The following CCL28 variants were observed in gnomAD, a reference collection of about 807,000 sequenced individuals.
The protein encoded by CCL28 is C-C motif chemokine ligand 28, also known as C-C motif chemokine 28.
In CCL28, 4 loss-of-function variants were observed where a neutral mutation model predicts 7.1. That is an observed-to-expected ratio of 0.56 (90% CI 0.28 to 1.29). The LOEUF (loss-of-function observed/expected upper bound fraction) is 1.29. CCL28 is among the 50% of genes most tolerant of loss of function. The pLI, the probability that CCL28 is intolerant of heterozygous loss-of-function variation, is 0.11. For synonymous variants in CCL28, 55 were observed against 57.8 expected, an observed-to-expected ratio of 0.95 and a Z score of 0.22; for missense variants, 151 against 163.4, an observed-to-expected ratio of 0.92 and a Z score of 0.41.
chr5:43,389,174 C>G (rs763843207), intron 1 of CCL28, among the ~76,000 whole-genome samples: 1 of 152,042 alleles, frequency 6.6e-6, no homozygotes, highest in African/African-American at 2.4e-5. Flanking sequence ...TGAACAGGTA[C>G]AAGATCTCTT....
chr5:43,372,989 T>TG (rs1739815684), downstream of CCL28, among the ~76,000 whole-genome samples: 1 of 151,122 alleles, frequency 6.6e-6, no homozygotes, highest in African/African-American at 2.4e-5. Context: ...TTAGCAAAGA[T>TG]GGGGTTTCGC....
downstream of CCL28, among the ~76,000 whole-genome samples, chr5:43,378,961 A>AAAAAAT (rs748612201): frequency 2.6e-4 from 39 of 152,278 alleles, no homozygotes; most frequent in African/African-American, 7.5e-4. Flanking sequence ...CTCCATCTCA[A>AAAAAAT]AAAAATAAAA....
At chr5:43,363,873 A>T in the CCL28 span, among the ~76,000 whole-genome samples, 63 of 152,268 alleles carry the variant, frequency 4.1e-4, no homozygotes, top group African/African-American at 1.4e-3. Flanking sequence ...TCTTATGGCA[A>T]CCTTTGGGTT....
At chr5:43,359,348 G>A in the CCL28 span, among the ~76,000 whole-genome samples, 1 of 152,182 alleles carries the variant, frequency 6.6e-6, no homozygotes, top group Non-Finnish European at 1.5e-5. Flanking sequence ...TACTCTTTAT[G>A]GGAAACAAAG....
intron 1 of CCL28, among the ~76,000 whole-genome samples, chr5:43,390,947 T>C (rs2111776323): frequency 6.6e-6 from 1 of 152,320 alleles, no homozygotes; most frequent in Non-Finnish European, 1.5e-5. Flanking sequence ...TGCAGTGAAT[T>C]GAAATCAGTA....
At chr5:43,405,354 G>A (rs1741230475) in intron 1 of CCL28, among the ~76,000 whole-genome samples, 2 of 152,160 alleles carry the variant, frequency 1.3e-5, no homozygotes, top group Non-Finnish European at 2.9e-5. Flanking sequence ...ACTCAAAACT[G>A]CTTAACTACA....
chr5:43,360,328 T>C, the CCL28 span, among the ~76,000 whole-genome samples: 1 of 152,164 alleles, frequency 6.6e-6, no homozygotes, highest in Non-Finnish European at 1.5e-5. Context: ...AGGTTTGTTA[T>C]ATAAGTAAAC....
the CCL28 span, among the ~76,000 whole-genome samples, chr5:43,359,661 A>G: frequency 4.5e-4 from 69 of 152,278 alleles, 1 homozygote; most frequent in African/African-American, 1.6e-3. Flanking sequence ...TTGTTCCCCT[A>G]GATTGTTTTT....
chr5:43,366,307 T>TGAGGAAAAAG, the CCL28 span, among the ~76,000 whole-genome samples: 3 of 152,250 alleles, frequency 2.0e-5, no homozygotes, highest in Non-Finnish European at 4.4e-5. Flanking sequence ...TGGATTTATC[T>TGAGGAAAAAG]ACCTTTGGTC....
the CCL28 span, among the ~76,000 whole-genome samples, chr5:43,363,193 G>A: frequency 6.6e-6 from 1 of 152,158 alleles, no homozygotes; most frequent in South Asian, 2.1e-4. Context: ...TACCAGCATG[G>A]TTGCTATGGT....
chr5:43,412,312 T>A lies in CCL28; in HGVS notation c.5A>T (p.Gln2Leu), dbSNP rs1213751992. ...GGCCACGATGGCGAGTCCTCTCTGC[T>A]GCATTCCTGCCTGCCCTACTGGCAC... M[Q>L]QRGLAIVALA... Residue 2 changes from glutamine to leucine, a missense_variant, in exon 1 of 3, where the codon CAG (glutamine) becomes CTG (leucine). Physicochemically the swap from Gln to Leu is moderately radical, Grantham distance 113. Transcript: ENST00000361115. 5.6e-6 allele frequency: 9 copies of A among 1,612,430 alleles called. No individual in the cohort carries two copies. In the African/African-American group the frequency reaches 1.2e-4, roughly 22 times the overall value.
At chr5:43,401,886 A>G (rs541003994) in intron 1 of CCL28, among the ~76,000 whole-genome samples, 9 of 152,298 alleles carry the variant, frequency 5.9e-5, no homozygotes, top group Admixed American at 1.3e-4. Flanking sequence ...TACAGAAGAT[A>G]TTGAAGGGAC....
At chr5:43,369,663 A>G in the CCL28 span, among the ~76,000 whole-genome samples, 1 of 152,034 alleles carries the variant, frequency 6.6e-6, no homozygotes, top group African/African-American at 2.4e-5. Flanking sequence ...ACCTCAAGTG[A>G]TCCACCCACC....
At chr5:43,363,627 C>G in the CCL28 span, among the ~76,000 whole-genome samples, 3 of 152,224 alleles carry the variant, frequency 2.0e-5, no homozygotes, top group Non-Finnish European at 2.9e-5. Context: ...AATGCACTTG[C>G]CCTTCAGGTG....
At chr5:43,360,164 C>G in the CCL28 span, among the ~76,000 whole-genome samples, 1 of 152,112 alleles carries the variant, frequency 6.6e-6, no homozygotes, top group African/African-American at 2.4e-5. Context: ...CCGGGTAATC[C>G]TGCACAAATG....
At chr5:43,403,368 G>A (rs1311468165) in intron 1 of CCL28, among the ~76,000 whole-genome samples, 2 of 152,172 alleles carry the variant, frequency 1.3e-5, no homozygotes, top group African/African-American at 2.4e-5. Context: ...TTGCTGTTCT[G>A]CAGCCTCCGC....
chr5:43,384,930 G>A lies in CCL28; in HGVS notation c.192-2878C>T, dbSNP rs113218634. On this transcript the variant is annotated intron_variant, in intron 2 of 2. Coordinates refer to ENST00000361115, the MANE Select transcript of CCL28 (RefSeq NM_148672.3). Reference sequence around the variant, plus strand: ...CAACTTTTTTTTTTTTTTTTGAGACGGAGTCACCCAGGCTGGAGTGCAGTG... The same window carrying A: ...CAACTTTTTTTTTTTTTTTTGAGACAGAGTCACCCAGGCTGGAGTGCAGTG... Among the ~76,000 whole-genome samples the A allele has an allele frequency of 9.6e-3, 1,430 of 148,220 alleles. 7 individuals are homozygous for A. Among genetic ancestry groups the A allele is most frequent in the Non-Finnish European group, 0.017 (1,145 of 67,196 alleles).
Position 43,379,442 on chromosome 5 carries a change from G to A in CCL28, c.*2418C>T, listed in dbSNP as rs565985088. 2.0e-5 allele frequency: 3 copies of A among 151,810 alleles called. No homozygotes were observed. The highest frequency in any genetic ancestry group is 1.9e-4 in the East Asian group (1 of 5,166). 9.4% of individuals were successfully genotyped at this position (151,810 alleles called of 1,614,324 possible). A position where few individuals can be genotyped will look rare whatever the true frequency, so the allele number is the denominator to read the frequency against. ...TCTCTGCCACTTCCTGTGTGACCTG[G>A]GCAAGTCATTTTACCTCTAAGAGCC... On this transcript the variant is annotated 3_prime_UTR_variant, in exon 3 of 3. Coordinates refer to ENST00000361115, the MANE Select transcript of CCL28 (RefSeq NM_148672.3).
chr5:43,373,806 G>A (rs1344129133), downstream of CCL28, among the ~76,000 whole-genome samples: 2 of 152,180 alleles, frequency 1.3e-5, no homozygotes, highest in Admixed American at 1.3e-4. Flanking sequence ...AGCAAAGTTG[G>A]TCTTCCAGAA....
Sources: gnomAD v4.1 joint callset for allele counts (sites outside exome capture counted in the v4.1 genomes callset) on GRCh38, gnomAD v4.1.1 for gene constraint, MANE v1.5 for transcripts, NCBI Gene and HGNC (gene_info 2026-07-23, HGNC 2026-07-21) for gene names.